Variants in THSD4 observed in about 807,000 individuals in gnomAD.
THSD4 encodes the protein thrombospondin type-1 domain-containing protein 4.
Under a neutral mutation model 119.0 loss-of-function variants are expected in THSD4, and 69 were observed. The observed-to-expected ratio is 0.58, with a 90% confidence interval of 0.48 to 0.71. The LOEUF is 0.71. THSD4 is among the 30% of genes least tolerant of loss of function. The pLI is 0.00. For synonymous variants in THSD4, 524 were observed against 540.4 expected (o/e 0.97, Z 0.42); for missense variants, 1,393 against 1,391.1 (o/e 1.00, Z -0.02).
At chr15:71,223,729 G>A (rs1230692245) in intron 4 of THSD4, among the ~76,000 whole-genome samples, 1 of 152,220 alleles carries the variant, frequency 6.6e-6, no homozygotes, top group African/African-American at 2.4e-5. Flanking sequence ...GAATACCTAA[G>A]GGAGTGTGCT....
intron 7 of THSD4, among the ~76,000 whole-genome samples, chr15:71,524,438 A>G (rs942700573): frequency 3.9e-5 from 6 of 152,274 alleles, no homozygotes; most frequent in African/African-American, 1.4e-4. Flanking sequence ...ACTCTGCTGC[A>G]TTGGATGGCT....
At chr15:71,764,229 G>A (rs1411362410) in intron 15 of THSD4, among the ~76,000 whole-genome samples, 1 of 152,260 alleles carries the variant, frequency 6.6e-6, no homozygotes, top group Non-Finnish European at 1.5e-5. Flanking sequence ...CTGGGTGACA[G>A]AGTGAGACCT....
At chr15:71,267,334 A>C (rs745306980) in intron 6 of THSD4, among the ~76,000 whole-genome samples, 5 of 152,236 alleles carry the variant, frequency 3.3e-5, no homozygotes, top group Non-Finnish European at 7.3e-5. Flanking sequence ...AGAATTTTCA[A>C]TCCAGAATTT....
At chr15:71,164,926 A>G (rs2043280838) in intron 3 of THSD4, 1 of 1,572,828 alleles carries the variant, frequency 6.4e-7, no homozygotes, top group Non-Finnish European at 8.6e-7. Flanking sequence ...GCTTTCCTTT[A>G]GCTCGATATG....
intron 7 of THSD4, among the ~76,000 whole-genome samples, chr15:71,515,058 T>C (rs2048338246): frequency 6.6e-6 from 1 of 152,224 alleles, no homozygotes; most frequent in Non-Finnish European, 1.5e-5. Context: ...GTGGAAATTC[T>C]AGGTCAAATG....
chr15:71,647,906 G>A (rs142096648), intron 7 of THSD4, among the ~76,000 whole-genome samples: 1 of 152,320 alleles, frequency 6.6e-6, no homozygotes, highest in Non-Finnish European at 1.5e-5. Flanking sequence ...GGAGGCCTCG[G>A]ATTGGGAGTA....
intron 2 of THSD4, among the ~76,000 whole-genome samples, chr15:71,150,136 T>C (rs889830411): frequency 3.9e-5 from 6 of 152,208 alleles, no homozygotes; most frequent in Non-Finnish European, 8.8e-5. Flanking sequence ...GCCTTCAATC[T>C]GTCAAAACGT....
chr15:71,288,826 T>G (rs1401883155), intron 6 of THSD4, among the ~76,000 whole-genome samples: 1 of 152,194 alleles, frequency 6.6e-6, no homozygotes, highest in Admixed American at 6.5e-5. Flanking sequence ...GTGCAGTGTA[T>G]GGGTTCAGGC....
chr15:71,744,377 C>G (rs1339482728), intron 11 of THSD4, among the ~76,000 whole-genome samples: 1 of 152,142 alleles, frequency 6.6e-6, no homozygotes, highest in African/African-American at 2.4e-5. Flanking sequence ...TAAGAAGTAG[C>G]CCTGTCCCTC....
At chr15:71,402,622 A>AGG (rs2046552172) in intron 6 of THSD4, among the ~76,000 whole-genome samples, 1 of 152,222 alleles carries the variant, frequency 6.6e-6, no homozygotes, top group South Asian at 2.1e-4. Context: ...CAATTGAGAC[A>AGG]GGGTGGGCCT....
At chr15:71,300,852 C>A (rs1473664312) in intron 6 of THSD4, among the ~76,000 whole-genome samples, 1 of 152,148 alleles carries the variant, frequency 6.6e-6, no homozygotes, top group African/African-American at 2.4e-5. Context: ...CTTTGATAAA[C>A]CTCTTCCTGA....
At chr15:71,366,552 A>T (rs916527401) in intron 6 of THSD4, among the ~76,000 whole-genome samples, 6 of 152,006 alleles carry the variant, frequency 3.9e-5, no homozygotes, top group African/African-American at 1.2e-4. Context: ...ATGACAACAC[A>T]TGTTGCATTT....
At chr15:71,297,759 C>A (rs983974577) in intron 6 of THSD4, among the ~76,000 whole-genome samples, 3 of 152,182 alleles carry the variant, frequency 2.0e-5, no homozygotes, top group African/African-American at 7.2e-5. Flanking sequence ...CAGCTGCACA[C>A]GACTGCACCC....
chr15:71,361,042 AAGTGGATAG>A (rs977746753), intron 6 of THSD4, among the ~76,000 whole-genome samples: 2 of 152,220 alleles, frequency 1.3e-5, no homozygotes, highest in Admixed American at 6.5e-5. Flanking sequence ...AGGCAAAGAA[AAGTGGATAG>A]AGTGTCCTGA....
chr15:71,197,809 G>A (rs181691622), intron 3 of THSD4, among the ~76,000 whole-genome samples: 1 of 152,276 alleles, frequency 6.6e-6, no homozygotes, highest in East Asian at 1.9e-4. Flanking sequence ...TCTGCCCCCT[G>A]AATATCCTTA....
At chr15:71,490,428 C>T (rs766762800) in intron 7 of THSD4, among the ~76,000 whole-genome samples, 14 of 152,130 alleles carry the variant, frequency 9.2e-5, no homozygotes, top group Non-Finnish European at 1.6e-4. Flanking sequence ...GGCCTGGTGG[C>T]GGGTGCCTGT....
chr15:71,210,377 T>G (rs1286468752), intron 3 of THSD4, among the ~76,000 whole-genome samples: 1 of 152,216 alleles, frequency 6.6e-6, no homozygotes, highest in African/African-American at 2.4e-5. Context: ...TTGTTATTGG[T>G]GTCACTGTTA....
At chr15:71,565,601 T>C (rs886776658) in intron 7 of THSD4, among the ~76,000 whole-genome samples, 1 of 152,196 alleles carries the variant, frequency 6.6e-6, no homozygotes, top group African/African-American at 2.4e-5. Context: ...TAAAAGACTT[T>C]AGCAGGCTGG....
At chr15:71,305,660 A>G (rs2045013891) in intron 6 of THSD4, among the ~76,000 whole-genome samples, 1 of 152,230 alleles carries the variant, frequency 6.6e-6, no homozygotes, top group African/African-American at 2.4e-5. Flanking sequence ...AGATGCACTA[A>G]GATGTGGTAG....
Sources: gnomAD v4.1 joint callset for allele counts (sites outside exome capture counted in the v4.1 genomes callset) on GRCh38, gnomAD v4.1.1 for gene constraint, MANE v1.5 for transcripts, NCBI Gene and HGNC (gene_info 2026-07-23, HGNC 2026-07-21) for gene names.